Variants in G3BP1 observed in about 807,000 individuals in gnomAD.
G3BP1 encodes G3BP stress granule assembly factor 1, also known as ras GTPase-activating protein-binding protein 1.
In G3BP1, 35 loss-of-function variants were observed where a neutral mutation model predicts 58.6. That is an observed-to-expected ratio of 0.60 (90% confidence interval 0.46 to 0.79). G3BP1 has a LOEUF of 0.79. Ranked by LOEUF, G3BP1 falls within the 30% of genes least tolerant of loss-of-function variation. The pLI is 0.00. For synonymous variants in G3BP1, 191 were observed against 195.4 expected (o/e 0.98, Z 0.19); for missense variants, 523 against 580.8 (o/e 0.90, Z 1.02).
rs375495132 is a variant in G3BP1, at chr5:151,805,414, G to T, written c.*1323G>T. On this transcript the variant is annotated 3_prime_UTR_variant, in exon 12 of 12. Coordinates refer to ENST00000356245, the MANE Select transcript of G3BP1 (RefSeq NM_005754.3). Reference sequence around the variant, plus strand: ...GTGTTATTTGTTGAGTGCTGTGTGTGAGATGGGTGAAGGTTTTGTTTACAC... The same window carrying T: ...GTGTTATTTGTTGAGTGCTGTGTGTTAGATGGGTGAAGGTTTTGTTTACAC... The T allele has an allele frequency of 6.6e-6, 1 of 152,576 alleles. No individual in the cohort carries two copies. Among genetic ancestry groups the T allele is most frequent in the East Asian group, 1.9e-4 (1 of 5,206 alleles). 9.5% of individuals were successfully genotyped at this position (152,576 alleles called of 1,614,324 possible).
At chr5:151,801,139 A>G (rs1330781139) in intron 11 of G3BP1, among the ~76,000 whole-genome samples, 1 of 152,146 alleles carries the variant, frequency 6.6e-6, no homozygotes, top group African/African-American at 2.4e-5. Flanking sequence ...TTACGTAACT[A>G]CCTTTCCTTG....
chr5:151,794,095 T>C (rs868717404), intron 4 of G3BP1, 64 bp from the exon 5 acceptor site: 3 of 918,974 alleles, frequency 3.3e-6, no homozygotes, highest in South Asian at 2.6e-5. Context: ...TCACCAATGG[T>C]GTAGAGTGAT....
chr5:151,796,900 C>T (rs1762761431), intron 6 of G3BP1, among the ~76,000 whole-genome samples: 1 of 149,648 alleles, frequency 6.7e-6, no homozygotes, highest in Non-Finnish European at 1.5e-5. Context: ...CCCCCCGCCC[C>T]AGCCTATTTT....
At chr5:151,779,489 C>T (rs903911108) in intron 1 of G3BP1, among the ~76,000 whole-genome samples, 2 of 152,162 alleles carry the variant, frequency 1.3e-5, no homozygotes, top group Non-Finnish European at 2.9e-5. Context: ...TGTTAGTGAA[C>T]TCCATTCTGT....
At position 151,807,043 on chromosome 5, in the gene G3BP1, A is replaced by C. The variant is rs182388772; in HGVS notation, c.*2952A>C. 3.9e-5 allele frequency: 6 copies of C among 152,218 alleles called. No individual in the cohort carries two copies. In the East Asian group the frequency reaches 1.2e-3, roughly 29 times the overall value. The allele number at this position is 152,218 out of a possible 1,614,324, so 9.4% of individuals were successfully genotyped here. ...AAACTGTATTTTTGTTTTAGTGGTG[A>C]GGTTGGGTTTTACTTTGTGTATTCC... is the stretch of plus-strand genomic sequence containing the variant. On this transcript the variant is annotated 3_prime_UTR_variant, in exon 12 of 12. Coordinates refer to ENST00000356245, the MANE Select transcript of G3BP1 (RefSeq NM_005754.3).
intron 1 of G3BP1, among the ~76,000 whole-genome samples, chr5:151,780,859 C>T (rs934137089): frequency 1.3e-5 from 2 of 152,124 alleles, no homozygotes; most frequent in Non-Finnish European, 2.9e-5. Flanking sequence ...CTGTTAACTT[C>T]AGCACAATTA....
chr5:151,782,760 T>G (rs1196433709), intron 1 of G3BP1, among the ~76,000 whole-genome samples: 3 of 152,032 alleles, frequency 2.0e-5, no homozygotes, highest in African/African-American at 7.2e-5. Flanking sequence ...AAAAAAATTA[T>G]TCCCCCCCAG....
At position 151,804,022 on chromosome 5, in the gene G3BP1, C is replaced by T. The variant is rs764713926; in HGVS notation, c.1332C>T (p.Gly444=). The T allele has an allele frequency of 1.2e-6, 2 of 1,612,876 alleles. No individual in the cohort carries two copies. The highest frequency in any genetic ancestry group is 1.1e-5 in the South Asian group (1 of 90,832). Residue 444 remains glycine, a synonymous_variant, in exon 12 of 12, where the codon GGC becomes GGT. Transcript: ENST00000356245. ...PRGGLGGGMR[G]PPRGGMVQKP... ...GTGGGCTGGGTGGTGGAATGAGAGG[C>T]CCTCCCCGTGGAGGCATGGTGCAGA...
chr5:151,790,444 G>GA, intron 3 of G3BP1, 40 bp downstream of exon 3: 1 of 1,068,614 alleles, frequency 9.4e-7, no homozygotes, highest in Non-Finnish European at 1.4e-6. Context: ...TAAGCAGGTA[G>GA]AAAATAACTC....
chr5:151,800,609 T>C (rs1309081709), intron 10 of G3BP1, 151 bp from the exon 11 acceptor site: 8 of 620,376 alleles, frequency 1.3e-5, no homozygotes, highest in Non-Finnish European at 2.3e-5. Context: ...TTTACACTTA[T>C]GAGAGGCACA....
At position 151,778,348 on chromosome 5, in the gene G3BP1, G is replaced by A. The variant is rs118169288; in HGVS notation, c.-50+6312G>A. Among the ~76,000 whole-genome samples the A allele has an allele frequency of 7.9e-3, 1,204 of 152,304 alleles. 55 individuals carry two copies. Among genetic ancestry groups the A allele is most frequent in the Admixed American group, 0.063 (957 of 15,290 alleles). ...TTAATTTGCATTTCTGTAATTGCTA[G>A]TGATCAGCATTTTTCATTTGGCATT... is the stretch of plus-strand genomic sequence containing the variant. On this transcript the variant is annotated intron_variant, in intron 1 of 11. Coordinates refer to ENST00000356245, the MANE Select transcript of G3BP1 (RefSeq NM_005754.3).
At chr5:151,793,234 T>C (rs1762690659) in intron 4 of G3BP1, among the ~76,000 whole-genome samples, 1 of 152,080 alleles carries the variant, frequency 6.6e-6, no homozygotes. Flanking sequence ...TCAGCCTCCC[T>C]AGCAGCTGGG....
chr5:151,777,117 T>C (rs555268719), intron 1 of G3BP1, among the ~76,000 whole-genome samples: 17 of 152,266 alleles, frequency 1.1e-4, no homozygotes, highest in African/African-American at 4.1e-4. Context: ...GAAAAATAGA[T>C]TGACAGTAGG....
chr5:151,778,289 ATT>A (rs112860018), intron 1 of G3BP1, among the ~76,000 whole-genome samples: 52 of 152,176 alleles, frequency 3.4e-4, no homozygotes, highest in African/African-American at 1.2e-3. Context: ...AATTTTAGTC[ATT>A]GTGACAGGTG....
chr5:151,777,690 C>T (rs1762397212), intron 1 of G3BP1, among the ~76,000 whole-genome samples: 1 of 152,168 alleles, frequency 6.6e-6, no homozygotes, highest in Non-Finnish European at 1.5e-5. Flanking sequence ...TATGGTCATG[C>T]TACTGCACTC....
intron 1 of G3BP1, among the ~76,000 whole-genome samples, chr5:151,772,874 AG>A: frequency 6.6e-6 from 1 of 152,360 alleles, no homozygotes; most frequent in South Asian, 2.1e-4. Flanking sequence ...CCTGCCGAGA[AG>A]GCTGCAGCGG....
rs756770695 is a variant in G3BP1, at chr5:151,800,020, A to C, written c.955+20A>C. 8.8e-6 allele frequency: 13 copies of C among 1,483,942 alleles called. No homozygotes were observed. Among genetic ancestry groups the C allele is most frequent in the Non-Finnish European group, 1.2e-5 (13 of 1,067,986 alleles). 91.9% of individuals were successfully genotyped at this position (1,483,942 alleles called of 1,614,324 possible). A position where few individuals can be genotyped will look rare whatever the true frequency, so the allele number is the denominator to read the frequency against. Reference sequence around the variant, plus strand: ...GACCAAGTAAGAGCTCAGAAGGGCGATTTCTCGTTTGGGGGATTTTGAGGT... The same window carrying C: ...GACCAAGTAAGAGCTCAGAAGGGCGCTTTCTCGTTTGGGGGATTTTGAGGT... On this transcript the variant is annotated intron_variant, in intron 9 of 11. Coordinates refer to ENST00000356245, the MANE Select transcript of G3BP1 (RefSeq NM_005754.3).
chr5:151,785,410 A>G (rs1447100543), intron 1 of G3BP1, among the ~76,000 whole-genome samples: 1 of 152,246 alleles, frequency 6.6e-6, no homozygotes, highest in Non-Finnish European at 1.5e-5. Flanking sequence ...AAATGGATCA[A>G]CCAGAGTCAA....
At chr5:151,801,436 C>T (rs1762847425) in intron 11 of G3BP1, among the ~76,000 whole-genome samples, 1 of 152,090 alleles carries the variant, frequency 6.6e-6, no homozygotes, top group Non-Finnish European at 1.5e-5. Context: ...GCTTCCCTTC[C>T]TCTAGCAAAA....
Sources: gnomAD v4.1 joint callset for allele counts (sites outside exome capture counted in the v4.1 genomes callset) on GRCh38, gnomAD v4.1.1 for gene constraint, MANE v1.5 for transcripts, NCBI Gene and HGNC (gene_info 2026-07-23, HGNC 2026-07-21) for gene names.